The following PDZD8 variants were observed in gnomAD, a reference collection of about 807,000 sequenced individuals.
The protein encoded by PDZD8 is PDZ domain-containing protein 8.
In PDZD8, 14 loss-of-function variants were observed where a neutral mutation model predicts 85.8. That is an observed-to-expected ratio of 0.16 (90% CI 0.11 to 0.26). The LOEUF (loss-of-function observed/expected upper bound fraction) is 0.26, where lower values mean the gene tolerates loss of function less well. PDZD8 is among the 10% of genes least tolerant of loss of function. The pLI, the probability that PDZD8 is intolerant of heterozygous loss-of-function variation, is 1.00. For missense variants in PDZD8, 1,197 were observed against 1,424.3 expected, an observed-to-expected ratio of 0.84 and a Z score of 2.57; for synonymous variants, 592 against 568.6, an observed-to-expected ratio of 1.04 and a Z score of -0.59.
intron 2 of PDZD8, among the ~76,000 whole-genome samples, chr10:117,321,212 T>C (rs1844219780): frequency 6.6e-6 from 1 of 152,168 alleles, no homozygotes. Context: ...GCATTATTCA[T>C]ACCTAATAGC....
At chr10:117,324,272 T>C (rs960511402) in intron 2 of PDZD8, among the ~76,000 whole-genome samples, 3 of 140,256 alleles carry the variant, frequency 2.1e-5, no homozygotes, top group Admixed American at 1.4e-4. Flanking sequence ...CTAGTAATCA[T>C]AGCAGAACAT....
chr10:117,317,811 C>T (rs1564697774), intron 3 of PDZD8, among the ~76,000 whole-genome samples: 1 of 152,216 alleles, frequency 6.6e-6, no homozygotes. Context: ...GGAAACTTTC[C>T]ATGAAACCTC....
intron 2 of PDZD8, among the ~76,000 whole-genome samples, chr10:117,329,229 T>G (rs995874999): frequency 6.6e-6 from 1 of 152,216 alleles, no homozygotes; most frequent in Admixed American, 6.5e-5. Context: ...CTACTACTAC[T>G]ACTTCCAAAG....
Position 117,317,241 on chromosome 10 carries a change from C to T in PDZD8, c.1098+1631G>A, listed in dbSNP as rs555449049. ...GATTGTATTTATACAAAGATAGCAT[C>T]CTAAACTCATCAAATAATTTAGCAT... On this transcript the variant is annotated intron_variant, in intron 3 of 4. Transcript: ENST00000334464. 4.4e-4 allele frequency among the ~76,000 whole-genome samples: 67 copies of T among 152,156 alleles called. No homozygotes were observed. The South Asian group carries it at 5.4e-3, about 12-fold the overall frequency.
chr10:117,289,547 T>A (rs182270812), intron 4 of PDZD8, among the ~76,000 whole-genome samples: 49 of 152,340 alleles, frequency 3.2e-4, no homozygotes, highest in Admixed American at 1.2e-3. Flanking sequence ...GCTTAGACAT[T>A]TATATACAAG....
chr10:117,297,808 A>C (rs1219125704), intron 3 of PDZD8, among the ~76,000 whole-genome samples: 5 of 152,148 alleles, frequency 3.3e-5, no homozygotes, highest in African/African-American at 9.7e-5. Context: ...ATTGTATACA[A>C]TTACCAAAAT....
At chr10:117,301,565 T>C (rs894951726) in intron 3 of PDZD8, among the ~76,000 whole-genome samples, 1 of 152,216 alleles carries the variant, frequency 6.6e-6, no homozygotes, top group Non-Finnish European at 1.5e-5. Context: ...TTACATTTTC[T>C]GAATGAGCAA....
intron 3 of PDZD8, 53 bp downstream of exon 3, chr10:117,318,819 T>C: frequency 7.7e-7 from 1 of 1,294,160 alleles, no homozygotes. Flanking sequence ...AATAAATGCA[T>C]GCTTATAAAA....
chr10:117,362,960 T>C (rs1249728811), intron 1 of PDZD8, among the ~76,000 whole-genome samples: 4 of 152,050 alleles, frequency 2.6e-5, no homozygotes, highest in African/African-American at 9.7e-5. Context: ...ATCCAAAGAA[T>C]TAAACATTAA....
chr10:117,288,653 C>T (rs551001950), intron 4 of PDZD8, among the ~76,000 whole-genome samples: 28 of 152,180 alleles, frequency 1.8e-4, no homozygotes, highest in African/African-American at 6.5e-4. Context: ...GGATTACAGG[C>T]GCCTGCCACC....
chr10:117,361,038 G>A (rs1329774645), intron 1 of PDZD8, among the ~76,000 whole-genome samples: 1 of 152,156 alleles, frequency 6.6e-6, no homozygotes, highest in Non-Finnish European at 1.5e-5. Flanking sequence ...CATTAGCTGT[G>A]AGGGTGATGA....
At chr10:117,348,218 A>G (rs2133858679) in intron 1 of PDZD8, among the ~76,000 whole-genome samples, 1 of 152,332 alleles carries the variant, frequency 6.6e-6, no homozygotes, top group African/African-American at 2.4e-5. Context: ...TGTCTGATAA[A>G]ATAATAAAAT....
chr10:117,330,534 T>G (rs1270435125), intron 2 of PDZD8, among the ~76,000 whole-genome samples: 1 of 152,198 alleles, frequency 6.6e-6, no homozygotes, highest in Non-Finnish European at 1.5e-5. Context: ...ACTCAGATCC[T>G]TAGAGTTCCT....
intron 3 of PDZD8, among the ~76,000 whole-genome samples, chr10:117,301,692 A>G (rs1768786078): frequency 6.6e-6 from 1 of 152,362 alleles, no homozygotes; most frequent in South Asian, 2.1e-4. Context: ...AGAGGCAGCA[A>G]GAAGGCTGTT....
chr10:117,360,034 T>C (rs1428292640), intron 1 of PDZD8, among the ~76,000 whole-genome samples: 1 of 152,146 alleles, frequency 6.6e-6, no homozygotes, highest in Non-Finnish European at 1.5e-5. Flanking sequence ...CTCTACCTAA[T>C]ATAAAATGCT....
Position 117,284,043 on chromosome 10 carries a change from C to G in PDZD8, c.2690G>C (p.Arg897Pro). 3.7e-6 allele frequency: 6 copies of G among 1,614,100 alleles called. No homozygotes were observed. The highest frequency in any genetic ancestry group is 5.1e-6 in the Non-Finnish European group (6 of 1,180,004). Reference protein sequence around the residue: ...ETSVCGATDRRIDRTLKNLRL... With the variant: ...ETSVCGATDRPIDRTLKNLRL... ...AAGGTTTTTCAGTGTCCTGTCTATT[C>G]GCCTATCAGTTGCTCCACAAACAGA... Residue 897 changes from arginine to proline, a missense_variant, in exon 5 of 5, where the codon CGA becomes CCA. This residue lies in a region of PDZD8 where 418 missense variants were observed against 571.1 expected (regional missense o/e 0.73). Coordinates refer to ENST00000334464, the MANE Select transcript of PDZD8 (RefSeq NM_173791.5).
Position 117,374,077 on chromosome 10 carries a change from T to C in PDZD8, c.872+279A>G, listed in dbSNP as rs551170968. Among the ~76,000 whole-genome samples the C allele has an allele frequency of 6.2e-4, 94 of 152,294 alleles. No homozygotes were observed. Among genetic ancestry groups the C allele is most frequent in the Non-Finnish European group, 1.2e-3 (85 of 68,018 alleles). On this transcript the variant is annotated intron_variant, in intron 1 of 4. Transcript: ENST00000334464. This position sits in a 1 kb window ranked among gnomAD's most constrained non-coding sequence, Gnocchi z 7.8. ...GGGATTAGGGTAGGCTTCCCTTCCA[T>C]TTCCAATATGCTGCTTATAAAAGGA...
intron 1 of PDZD8, among the ~76,000 whole-genome samples, chr10:117,353,150 GCTCT>G (rs1335253760): frequency 6.6e-6 from 1 of 152,094 alleles, no homozygotes; most frequent in Non-Finnish European, 1.5e-5. Context: ...TCAATCATGG[GCTCT>G]CTATTAAATT....
At chr10:117,298,162 G>T (rs1287114838) in intron 3 of PDZD8, among the ~76,000 whole-genome samples, 1 of 151,962 alleles carries the variant, frequency 6.6e-6, no homozygotes, top group Non-Finnish European at 1.5e-5. Flanking sequence ...GATATAAGAA[G>T]CAAGAACAGC....
Sources: allele counts gnomAD v4.1 joint callset (sites outside exome capture counted in the v4.1 genomes callset), GRCh38; gene constraint gnomAD v4.1.1; regional missense constraint gnomAD v4.1.1; non-coding constraint Gnocchi (gnomAD v3.1); transcripts MANE v1.5; gene names NCBI Gene and HGNC (gene_info 2026-07-23, HGNC 2026-07-21).